EPB41: variants seen among roughly 807,000 people sequenced by gnomAD.
EPB41 encodes the protein protein 4.1.
Under a neutral mutation model 108.0 loss-of-function variants are expected in EPB41, and 65 were observed. That is an observed-to-expected ratio of 0.60 (90% CI 0.49 to 0.74). EPB41 has a LOEUF of 0.74. EPB41 is among the 30% of genes least tolerant of loss of function. The pLI is 0.00. For synonymous variants in EPB41, 336 were observed against 358.9 expected (o/e 0.94, Z 0.72); for missense variants, 875 against 1,037.0 (o/e 0.84, Z 2.15).
rs552248629 is a variant in EPB41 at position 28,988,736 on chromosome 1, A to G, written c.468+831A>G. 5.3e-5 allele frequency among the ~76,000 whole-genome samples: 8 copies of G among 152,258 alleles called. No individual in the cohort carries two copies. The South Asian group carries it at 1.7e-3, about 32-fold the overall frequency. On this transcript the variant is annotated intron_variant, in intron 2 of 20. Coordinates refer to ENST00000343067, the MANE Select transcript of EPB41 (RefSeq NM_001376013.1). The stretch of plus-strand genomic sequence containing the variant: ...AAACAGTTACTTACACTTTATATGT[A>G]TTAAAGGGTCTTGCTATTTTGCCCA...
intron 16 of EPB41, among the ~76,000 whole-genome samples, chr1:29,084,200 T>C (rs962851601): frequency 2.6e-5 from 4 of 152,218 alleles, no homozygotes; most frequent in Admixed American, 2.6e-4. Context: ...TCACTTCCTT[T>C]TACTTATCAA....
chr1:28,981,183 T>A lies in EPB41; in HGVS notation c.-7-6248T>A, dbSNP rs375202373. The stretch of plus-strand genomic sequence containing the variant: ...AGTAGGATAAGAAGACACACAATGG[T>A]GTTTCTGTTTGATCACCAGTATTGT... On this transcript the variant is annotated intron_variant, in intron 1 of 20. Coordinates refer to ENST00000343067, the MANE Select transcript of EPB41 (RefSeq NM_001376013.1). 3.8e-4 allele frequency among the ~76,000 whole-genome samples: 58 copies of A among 152,324 alleles called. 2 individuals are homozygous for A. In the South Asian group the frequency reaches 0.012, roughly 31 times the overall value.
At chr1:28,895,892 T>A (rs1055555637) in intron 1 of EPB41, among the ~76,000 whole-genome samples, 11 of 152,186 alleles carry the variant, frequency 7.2e-5, no homozygotes, top group Admixed American at 3.9e-4. Flanking sequence ...ACACGGCTGG[T>A]GGGAGCTACT....
At chr1:28,975,436 C>G (rs1411988817) in intron 1 of EPB41, among the ~76,000 whole-genome samples, 1 of 152,062 alleles carries the variant, frequency 6.6e-6, no homozygotes, top group African/African-American at 2.4e-5. Flanking sequence ...TTCAGCTTCC[C>G]TAGGGATTCC....
At chr1:29,048,491 G>A (rs1248949344) in intron 11 of EPB41, among the ~76,000 whole-genome samples, 2 of 151,990 alleles carry the variant, frequency 1.3e-5, no homozygotes, top group Admixed American at 6.6e-5. Flanking sequence ...GATTACAGGC[G>A]TGAGCCACCG....
intron 1 of EPB41, among the ~76,000 whole-genome samples, chr1:28,972,760 T>C (rs2095523570): frequency 7.8e-6 from 1 of 129,024 alleles, no homozygotes; most frequent in South Asian, 2.7e-4. Context: ...AAACTATGCT[T>C]GGCTAATTTT....
At chr1:29,042,897 A>G (rs971473306) in intron 11 of EPB41, among the ~76,000 whole-genome samples, 5 of 152,168 alleles carry the variant, frequency 3.3e-5, no homozygotes, top group Non-Finnish European at 5.9e-5. Flanking sequence ...GGAGATTAAA[A>G]TGACTTTTCA....
Position 29,115,838 on chromosome 1 carries a change from A to T in EPB41, c.*6+35A>T. On this transcript the variant is annotated intron_variant, in intron 20 of 20. Transcript: ENST00000343067. The surrounding 1 kb of genome is among the most constrained non-coding windows in gnomAD (Gnocchi z 4.4). The stretch of plus-strand genomic sequence containing the variant: ...GTTCCTGCTGGGGCTGAGGGTGCCC[A>T]CAGTCCCAGCCTGAGAGGGCTCTGG... The T allele has an allele frequency of 6.5e-7, 1 of 1,528,122 alleles. No homozygotes were observed. Among genetic ancestry groups the T allele is most frequent in the Non-Finnish European group, 9.1e-7 (1 of 1,102,542 alleles). 94.7% of individuals were successfully genotyped at this position (1,528,122 alleles called of 1,614,324 possible).
chr1:29,013,216 G>A (rs1387269192), intron 5 of EPB41, among the ~76,000 whole-genome samples: 1 of 151,640 alleles, frequency 6.6e-6, no homozygotes, highest in African/African-American at 2.4e-5. Context: ...TCCCAGCTAC[G>A]CAGGAGGCTG....
At chr1:29,109,478 A>C (rs966601349) in intron 18 of EPB41, 41 bp downstream of exon 18, 1 of 1,560,442 alleles carries the variant, frequency 6.4e-7, no homozygotes, top group Non-Finnish European at 8.8e-7. Flanking sequence ...ACCCAGGGGC[A>C]GGCTAAGCTT....
chr1:28,978,586 T>C (rs2149400156), intron 1 of EPB41, among the ~76,000 whole-genome samples: 1 of 151,622 alleles, frequency 6.6e-6, no homozygotes, highest in South Asian at 2.1e-4. Flanking sequence ...CCTAGAAACC[T>C]GGTAAAATAT....
chr1:28,998,295 AC>A (rs2096229021), intron 4 of EPB41, among the ~76,000 whole-genome samples: 1 of 152,168 alleles, frequency 6.6e-6, no homozygotes, highest in Non-Finnish European at 1.5e-5. Context: ...CAGTTCAGGA[AC>A]TGAAAGCCAT....
intron 11 of EPB41, among the ~76,000 whole-genome samples, chr1:29,050,315 A>G (rs569977197): frequency 5.1e-4 from 77 of 152,372 alleles, no homozygotes; most frequent in Middle Eastern, 6.8e-3. Context: ...AAGGCTAGGA[A>G]TGCTGAAGAC....
upstream of EPB41, chr1:28,910,902 T>G (rs1362698133): frequency 3.4e-6 from 3 of 889,394 alleles, no homozygotes; most frequent in Non-Finnish European, 4.0e-6. Flanking sequence ...AGATGGTCCT[T>G]AGGGACCCCA....
chr1:29,087,761 A>C (rs2151359080), intron 16 of EPB41, among the ~76,000 whole-genome samples: 1 of 152,332 alleles, frequency 6.6e-6, no homozygotes, highest in Admixed American at 6.5e-5. Context: ...TGATTCTGAG[A>C]CATAATCCCT....
At chr1:28,945,350 G>A (rs1375553538) in intron 1 of EPB41, among the ~76,000 whole-genome samples, 1 of 152,064 alleles carries the variant, frequency 6.6e-6, no homozygotes, top group Non-Finnish European at 1.5e-5. Context: ...AGGGGTGGGT[G>A]TTATATCGAT....
intron 1 of EPB41, chr1:28,889,688 T>C (rs157225): frequency 0.077 from 33,815 of 439,166 alleles, 1,451 homozygotes; most frequent in South Asian, 0.14. Context: ...GAACCTAGGC[T>C]GCAGGGTGAG....
chr1:29,039,729 GC>G (rs1413710030), intron 11 of EPB41, among the ~76,000 whole-genome samples: 4 of 152,084 alleles, frequency 2.6e-5, no homozygotes, highest in Non-Finnish European at 4.4e-5. Context: ...CAGGAGAATT[GC>G]TTGAACCCAG....
chr1:29,068,908 G>C (rs1476578977), intron 16 of EPB41: 1 of 806,344 alleles, frequency 1.2e-6, no homozygotes, highest in Non-Finnish European at 1.7e-6. Context: ...GGCTATACTA[G>C]TAAATTCACA....
Sources: allele counts gnomAD v4.1 joint callset (sites outside exome capture counted in the v4.1 genomes callset), GRCh38; gene constraint gnomAD v4.1.1; non-coding constraint Gnocchi (gnomAD v3.1); transcripts MANE v1.5; gene names NCBI Gene and HGNC (gene_info 2026-07-23, HGNC 2026-07-21).